FAM107B: variants seen among roughly 807,000 people sequenced by gnomAD.
FAM107B encodes protein FAM107B.
In FAM107B, 21 loss-of-function variants were observed where a neutral mutation model predicts 31.5. The ratio of observed to expected loss-of-function variants is 0.67; its 90% CI spans 0.47 to 0.96. The LOEUF (loss-of-function observed/expected upper bound fraction) is 0.96, where lower values mean the gene tolerates loss of function less well. Among genes scored for constraint, FAM107B ranks in the 40% least tolerant of loss-of-function variants. The probability of loss-of-function intolerance (pLI) is 0.00; values close to 1 mark genes in which losing one functional copy is unlikely to be tolerated. For missense variants in FAM107B, 452 were observed against 377.1 expected, an observed-to-expected ratio of 1.20 and a Z score of -1.64; for synonymous variants, 157 against 141.5, an observed-to-expected ratio of 1.11 and a Z score of -0.78.
intron 1 of FAM107B, among the ~76,000 whole-genome samples, chr10:14,737,766 T>TTCTCTCTCTCTCTCTCTCTC (rs11276189): frequency 0.02 from 2,597 of 126,968 alleles, 114 homozygotes; most frequent in Non-Finnish European, 0.028. Context: ...CGTGCACGCT[T>TTCTCTCTCTCTCTCTCTCTC]TCTCTCTCTC....
In FAM107B at chr10:14,723,191, CT is replaced by C. The variant is rs969150645; in HGVS notation, c.411+51061del. On this transcript the variant is annotated intron_variant, in intron 1 of 4. Coordinates refer to ENST00000181796, the MANE Select transcript of FAM107B (RefSeq NM_031453.4). Reference sequence around the variant, plus strand: ...GCTTAAGACCATTCAGTGGTTGCTCCTAACCATTCAGTGGCCTGAGCAGTGG... The same window carrying C: ...GCTTAAGACCATTCAGTGGTTGCTCCAACCATTCAGTGGCCTGAGCAGTGG... 4 of 520,612 alleles carry C rather than the reference CT, an allele frequency of 7.7e-6. No individual in the cohort carries two copies. In the African/African-American group the frequency reaches 7.7e-5, roughly 10 times the overall value. The allele number at this position is 520,612 out of a possible 1,614,324, so 32.2% of individuals were successfully genotyped here.
chr10:14,624,690 G>A lies in FAM107B; in HGVS notation c.469+42944C>T, dbSNP rs370566722. 9.5e-4 allele frequency among the ~76,000 whole-genome samples: 145 copies of A among 152,230 alleles called. 1 individual carries two copies. The highest frequency in any genetic ancestry group is 3.4e-3 in the Middle Eastern group (1 of 294). ...AAAGAACTTGAACGTCCCTGAGTCC[G>A]TTTTCGTATTTGAGCATAACAAGCT... On this transcript the variant is annotated intron_variant, in intron 2 of 4. Coordinates refer to ENST00000181796, the MANE Select transcript of FAM107B (RefSeq NM_031453.4).
chr10:14,613,111 A>T (rs1299542053), intron 2 of FAM107B, among the ~76,000 whole-genome samples: 2 of 152,134 alleles, frequency 1.3e-5, no homozygotes, highest in Non-Finnish European at 2.9e-5. Context: ...AGCTAGGATG[A>T]CAAGCGTGCA....
chr10:14,759,363 ATATAGCCAC>A (rs1832996916), intron 1 of FAM107B, among the ~76,000 whole-genome samples: 2 of 152,144 alleles, frequency 1.3e-5, no homozygotes, highest in Non-Finnish European at 2.9e-5. Context: ...CTGTCTGCTC[ATATAGCCAC>A]TATTCTGGCC....
rs1162622762 is a variant in FAM107B at position 14,561,759 on chromosome 10, C to T, written c.470-31244G>A. On this transcript the variant is annotated intron_variant, in intron 2 of 4. Transcript: ENST00000181796. ...GGATTCAACAATAAAAGAGAATAAA[C>T]CATTAGGTATACTCAGAGTATATTT... 8.6e-5 allele frequency among the ~76,000 whole-genome samples: 13 copies of T among 152,024 alleles called. 1 individual carries two copies. Among genetic ancestry groups the T allele is most frequent in the Admixed American group, 7.9e-4 (12 of 15,274 alleles).
At position 14,626,888 on chromosome 10, in the gene FAM107B, T is replaced by C. The variant is rs35923035; in HGVS notation, c.469+40746A>G. Among the ~76,000 whole-genome samples, 120 of 152,316 alleles carry C rather than the reference T, an allele frequency of 7.9e-4. 1 individual carries two copies. The highest frequency in any genetic ancestry group is 2.0e-3 in the Admixed American group (30 of 15,302). On this transcript the variant is annotated intron_variant, in intron 2 of 4. Transcript: ENST00000181796. ...ACATTGTCGATGGCCTCTGATTTAG[T>C]GTTTTATCTGCACCCACCTGATCTG...
chr10:14,772,026 A>G (rs1371611218), intron 1 of FAM107B, among the ~76,000 whole-genome samples: 1 of 152,124 alleles, frequency 6.6e-6, no homozygotes. Flanking sequence ...ACCCTCTTTA[A>G]GCATCCATGC....
intron 1 of FAM107B, among the ~76,000 whole-genome samples, chr10:14,765,716 T>C (rs1833147605): frequency 6.6e-6 from 1 of 152,198 alleles, no homozygotes; most frequent in Non-Finnish European, 1.5e-5. Context: ...TTTTAAAATG[T>C]TGATGTCAAA....
intron 2 of FAM107B, among the ~76,000 whole-genome samples, chr10:14,619,429 C>T (rs755341698): frequency 6.6e-6 from 1 of 152,074 alleles, no homozygotes; most frequent in Non-Finnish European, 1.5e-5. Flanking sequence ...TTTCTAATGG[C>T]TTATTATGTT....
At chr10:14,537,680 A>G (rs1847766768) in intron 2 of FAM107B, among the ~76,000 whole-genome samples, 1 of 151,994 alleles carries the variant, frequency 6.6e-6, no homozygotes. Flanking sequence ...TCTACTAAAA[A>G]TACAAAAAGT....
chr10:14,684,184 G>T (rs1043978727), intron 1 of FAM107B, among the ~76,000 whole-genome samples: 1 of 152,220 alleles, frequency 6.6e-6, no homozygotes, highest in Non-Finnish European at 1.5e-5. Context: ...AGGCACAGTG[G>T]CTCACGCCTA....
At chr10:14,735,431 G>C (rs1856277362) in intron 1 of FAM107B, among the ~76,000 whole-genome samples, 1 of 152,124 alleles carries the variant, frequency 6.6e-6, no homozygotes, top group African/African-American at 2.4e-5. Context: ...GAGCTATTTT[G>C]GGGTGGGCCT....
intron 1 of FAM107B, among the ~76,000 whole-genome samples, chr10:14,668,752 T>C (rs1854469564): frequency 6.6e-6 from 1 of 152,194 alleles, no homozygotes; most frequent in Non-Finnish European, 1.5e-5. Context: ...GGATACCTTC[T>C]AACATCCCTT....
chr10:14,573,321 G>A (rs112892514), intron 2 of FAM107B, among the ~76,000 whole-genome samples: 12 of 152,174 alleles, frequency 7.9e-5, no homozygotes, highest in African/African-American at 2.4e-4. Context: ...GGAAGACTTC[G>A]GCCCCCTTCC....
intron 2 of FAM107B, among the ~76,000 whole-genome samples, chr10:14,607,949 C>T (rs1052594974): frequency 1.3e-5 from 2 of 152,156 alleles, no homozygotes; most frequent in African/African-American, 4.8e-5. Flanking sequence ...ATGACCTCAT[C>T]CTTTAGCTTG....
At chr10:14,689,861 G>A (rs190747890) in intron 1 of FAM107B, among the ~76,000 whole-genome samples, 1 of 152,106 alleles carries the variant, frequency 6.6e-6, no homozygotes, top group African/African-American at 2.4e-5. Context: ...TACTCTGGAA[G>A]CTGAGGCAGG....
At position 14,616,940 on chromosome 10, in the gene FAM107B, AAGAG is replaced by A. The variant is rs374039725; in HGVS notation, c.469+50690_469+50693del. Among the ~76,000 whole-genome samples, 29 of 151,580 alleles carry A rather than the reference AAGAG, an allele frequency of 1.9e-4. No individual in the cohort carries two copies. The East Asian group carries it at 3.5e-3, about 18-fold the overall frequency. ...TCTCAAAAAGATAAAAATAAAATAAAAGAGAGAGAGAGAGAGTAAGGAAAGTAAA... is the reference window on the plus strand; with the variant it reads ...TCTCAAAAAGATAAAAATAAAATAAAAGAGAGAGAGAGTAAGGAAAGTAAA... On this transcript the variant is annotated intron_variant, in intron 2 of 4. Coordinates refer to ENST00000181796, the MANE Select transcript of FAM107B (RefSeq NM_031453.4).
chr10:14,707,503 C>T (rs991716892), intron 1 of FAM107B, among the ~76,000 whole-genome samples: 7 of 152,086 alleles, frequency 4.6e-5, no homozygotes, highest in East Asian at 1.9e-4. Flanking sequence ...CAGGATGCCC[C>T]GAGACTGACG....
Position 14,629,520 on chromosome 10 carries a change from TA to T in FAM107B, c.469+38113del, listed in dbSNP as rs1488413240. On this transcript the variant is annotated intron_variant, in intron 2 of 4. Coordinates refer to ENST00000181796, the MANE Select transcript of FAM107B (RefSeq NM_031453.4). Reference sequence around the variant, plus strand: ...TATATATATTTAATATATATATATATATTTTTTTTTGAGATGAAGACTCGCT... The same window carrying T: ...TATATATATTTAATATATATATATATTTTTTTTTTGAGATGAAGACTCGCT... 3.6e-4 allele frequency among the ~76,000 whole-genome samples: 41 copies of T among 112,422 alleles called. 1 individual carries two copies. The highest frequency in any genetic ancestry group is 1.0e-3 in the South Asian group (4 of 3,906). 73.8% of individuals were successfully genotyped at this position (112,422 alleles called of 152,430 possible).
Sources: allele counts gnomAD v4.1 joint callset (sites outside exome capture counted in the v4.1 genomes callset), GRCh38; gene constraint gnomAD v4.1.1; transcripts MANE v1.5; gene names NCBI Gene and HGNC (gene_info 2026-07-23, HGNC 2026-07-21).